Variants in ELAPOR2 observed in about 807,000 individuals in gnomAD.
The protein encoded by ELAPOR2 is endosome/lysosome-associated apoptosis and autophagy regulator family member 2.
In ELAPOR2, 89 loss-of-function variants were observed where a neutral mutation model predicts 120.7. The observed-to-expected ratio is 0.74, with a 90% CI of 0.62 to 0.88. ELAPOR2 has a LOEUF of 0.88. Ranked by LOEUF, ELAPOR2 falls within the 40% of genes least tolerant of loss-of-function variation. The pLI, the probability that ELAPOR2 is intolerant of heterozygous loss-of-function variation, is 0.00. For synonymous variants in ELAPOR2, 444 were observed against 444.9 expected (o/e 1.00, Z 0.03); for missense variants, 1,134 against 1,251.6 (o/e 0.91, Z 1.42).
chr7:87,033,527 AG>A (rs1330112619), intron 1 of ELAPOR2, among the ~76,000 whole-genome samples: 1 of 152,256 alleles, frequency 6.6e-6, no homozygotes, highest in African/African-American at 2.4e-5. Flanking sequence ...AGATTGTGCT[AG>A]TGAGAAATAC....
At chr7:86,918,802 TACTGGGTAATTTCA>T (rs1789689663) in intron 11 of ELAPOR2, among the ~76,000 whole-genome samples, 1 of 152,090 alleles carries the variant, frequency 6.6e-6, no homozygotes, top group African/African-American at 2.4e-5. Context: ...AAAAGATTCC[TACTGGGTAATTTCA>T]ACACGGGGAA....
At chr7:87,042,648 A>G (rs1280687431) in intron 1 of ELAPOR2, among the ~76,000 whole-genome samples, 3 of 152,194 alleles carry the variant, frequency 2.0e-5, no homozygotes, top group African/African-American at 4.8e-5. Flanking sequence ...AATGCCCACA[A>G]GAGAAAGCAG....
rs1789341772 is a variant in ELAPOR2 at position 86,912,132 on chromosome 7, G to T, written c.2109C>A (p.Ser703Arg). 1 of 1,613,086 alleles carries T rather than the reference G, an allele frequency of 6.2e-7. No individual in the cohort carries two copies. The highest frequency in any genetic ancestry group is 1.1e-5 in the South Asian group (1 of 91,032). ...AGTATTTTGTTCCTTTGGAGGTGAA[G>T]CTGGGGCCATTCATTAATGAGCCCA... ...SSVGSLMNGP[S>R]FTSKGTKYFH... The change falls in exon 15 of 22, where the codon AGC becomes AGA. Residue 703 changes from serine to arginine, a missense_variant. By Grantham distance (110) the Ser-to-Arg change is moderately radical (BLOSUM62 -1). Around this residue, in one of 3 missense-constraint regions of ELAPOR2, gnomAD observed 831 missense variants for 867.6 expected, o/e 0.96. Transcript: ENST00000450689.
chr7:86,916,846 G>A (rs1208968255), intron 12 of ELAPOR2, among the ~76,000 whole-genome samples: 1 of 151,908 alleles, frequency 6.6e-6, no homozygotes, highest in Non-Finnish European at 1.5e-5. Flanking sequence ...TTGAGACAGG[G>A]CCTGTTGCCC....
intron 10 of ELAPOR2, among the ~76,000 whole-genome samples, chr7:86,923,838 C>G (rs1344514938): frequency 6.6e-6 from 1 of 152,054 alleles, no homozygotes. Flanking sequence ...TGAATAAAAA[C>G]TACTTGTCTC....
In ELAPOR2 at chr7:86,912,961, G is replaced by T. The variant is rs757457556; in HGVS notation, c.1975C>A (p.Pro659Thr). Residue 659 changes from proline to threonine, a missense_variant, in exon 14 of 22, where the codon CCT becomes ACT. Pro to Thr is a conservative substitution (Grantham distance 38). Transcript: ENST00000450689. Reference protein sequence around the residue: ...YGKEACIPCGPGSKNNQDHSV... With the variant: ...YGKEACIPCGTGSKNNQDHSV... ...CTTACCTGATTGTTTTTACTCCCAG[G>T]CCCGCATGGAATACAAGCCTCTTTG... is the stretch of plus-strand genomic sequence containing the variant. The T allele has an allele frequency of 1.9e-6, 3 of 1,613,990 alleles. No individual in the cohort carries two copies. The highest frequency in any genetic ancestry group is 2.2e-5 in the East Asian group (1 of 44,846).
chr7:87,057,694 C>A (rs1015497770), intron 1 of ELAPOR2, among the ~76,000 whole-genome samples: 1 of 152,154 alleles, frequency 6.6e-6, no homozygotes, highest in African/African-American at 2.4e-5. Flanking sequence ...GTTGCAGACT[C>A]TTCTTTCTAG....
At chr7:87,049,674 A>T (rs1795048342) in intron 1 of ELAPOR2, among the ~76,000 whole-genome samples, 1 of 152,226 alleles carries the variant, frequency 6.6e-6, no homozygotes, top group South Asian at 2.1e-4. Context: ...AAATACCTGA[A>T]TGAAGAGAGT....
chr7:86,889,328 G>C (rs1360113833), intron 21 of ELAPOR2, among the ~76,000 whole-genome samples: 3 of 151,974 alleles, frequency 2.0e-5, no homozygotes, highest in African/African-American at 7.3e-5. Context: ...ACTTGATTGA[G>C]TTTACTGCTC....
intron 1 of ELAPOR2, among the ~76,000 whole-genome samples, chr7:87,028,864 C>A (rs1344205073): frequency 6.6e-6 from 1 of 152,192 alleles, no homozygotes; most frequent in South Asian, 2.1e-4. Flanking sequence ...ATTCCTGCCA[C>A]GTCCCTCTCA....
chr7:86,953,149 G>A (rs186236024), intron 2 of ELAPOR2, among the ~76,000 whole-genome samples: 26 of 150,066 alleles, frequency 1.7e-4, no homozygotes, highest in Admixed American at 5.3e-4. Context: ...AGGGACATGG[G>A]ACACACATCT....
At chr7:86,883,421 A>C (rs79709287) in intron 21 of ELAPOR2, among the ~76,000 whole-genome samples, 1 of 152,206 alleles carries the variant, frequency 6.6e-6, no homozygotes. Context: ...CTTCTTAAAA[A>C]TAGACACACA....
chr7:86,919,475 C>G (rs7783745), intron 10 of ELAPOR2, among the ~76,000 whole-genome samples, 165 bp from the exon 11 acceptor site: 17,178 of 151,986 alleles, frequency 0.11, 1,020 homozygotes, highest in African/African-American at 0.14. Context: ...AATTTCATCC[C>G]GAGGTAGATG....
chr7:86,899,185 T>C (rs1788597089), intron 18 of ELAPOR2, among the ~76,000 whole-genome samples: 1 of 152,108 alleles, frequency 6.6e-6, no homozygotes, highest in South Asian at 2.1e-4. Flanking sequence ...AGCTTGCCTC[T>C]TTCATTCTGG....
intron 19 of ELAPOR2, among the ~76,000 whole-genome samples, chr7:86,893,377 G>A (rs1228487278): frequency 6.6e-6 from 1 of 151,426 alleles, no homozygotes; most frequent in Non-Finnish European, 1.5e-5. Flanking sequence ...CACCTGAGAA[G>A]GATGCAGTAC....
intron 1 of ELAPOR2, among the ~76,000 whole-genome samples, chr7:86,987,255 C>A (rs948467178): frequency 2.0e-5 from 3 of 152,022 alleles, no homozygotes; most frequent in Non-Finnish European, 4.4e-5. Context: ...AGAAGAAAAC[C>A]TAGGCAATAC....
At chr7:87,042,340 A>T (rs571615019) in intron 1 of ELAPOR2, among the ~76,000 whole-genome samples, 2,374 of 149,624 alleles carry the variant, frequency 0.016, 100 homozygotes, top group African/African-American at 0.056. Flanking sequence ...ACCTATTCCA[A>T]AATTGACCAC....
At chr7:87,042,065 C>T (rs1323706157) in intron 1 of ELAPOR2, among the ~76,000 whole-genome samples, 2 of 150,188 alleles carry the variant, frequency 1.3e-5, no homozygotes, top group African/African-American at 2.5e-5. Flanking sequence ...AGCTAACTAT[C>T]CTAAATATAT....
At chr7:87,029,107 T>C (rs1375673415) in intron 1 of ELAPOR2, among the ~76,000 whole-genome samples, 2 of 152,198 alleles carry the variant, frequency 1.3e-5, no homozygotes, top group Non-Finnish European at 2.9e-5. Flanking sequence ...CCTACATTTA[T>C]CACCACTTCT....
Sources: allele counts gnomAD v4.1 joint callset (sites outside exome capture counted in the v4.1 genomes callset), GRCh38; gene constraint gnomAD v4.1.1; regional missense constraint gnomAD v4.1.1; transcripts MANE v1.5; gene names NCBI Gene and HGNC (gene_info 2026-07-23, HGNC 2026-07-21).